The following NCKAP5 variants were observed in gnomAD, a reference collection of about 807,000 sequenced individuals.
NCKAP5 encodes nck-associated protein 5.
NCKAP5 carries 92 observed loss-of-function variants against 167.0 expected under a neutral mutation model. That is an observed-to-expected ratio of 0.55 (90% CI 0.47 to 0.66). The LOEUF is 0.66. Among genes scored for constraint, NCKAP5 ranks in the 30% least tolerant of loss-of-function variants. The probability of loss-of-function intolerance (pLI) is 0.00; values close to 1 mark genes in which losing one functional copy is unlikely to be tolerated. For synonymous variants in NCKAP5, 891 were observed against 877.4 expected (o/e 1.02, Z -0.27); for missense variants, 2,378 against 2,315.0 (o/e 1.03, Z -0.56).
chr2:132,979,992 T>G, intron 7 of NCKAP5, among the ~76,000 whole-genome samples: 1 of 146,512 alleles, frequency 6.8e-6, no homozygotes, highest in African/African-American at 2.7e-5. Context: ...TTCTTTTTCT[T>G]TTTCTTTTTT....
At chr2:133,336,024 A>C (rs749259582) in intron 3 of NCKAP5, among the ~76,000 whole-genome samples, 51 of 152,232 alleles carry the variant, frequency 3.4e-4, no homozygotes, top group Non-Finnish European at 6.5e-4. Flanking sequence ...TTTTCATTTT[A>C]CAGAGTCTCA....
chr2:133,394,252 G>T (rs1687600833), intron 3 of NCKAP5, among the ~76,000 whole-genome samples: 1 of 152,210 alleles, frequency 6.6e-6, no homozygotes, highest in African/African-American at 2.4e-5. Context: ...CCTTGCCCTT[G>T]AAGTGTTTGT....
intron 16 of NCKAP5, among the ~76,000 whole-genome samples, chr2:132,737,823 G>T (rs562579202): frequency 5.8e-4 from 88 of 152,148 alleles, no homozygotes; most frequent in Non-Finnish European, 1.1e-3. Flanking sequence ...TGTAAGCATC[G>T]TGCAGGCATA....
chr2:132,829,027 C>T lies in NCKAP5; in HGVS notation c.807+31465G>A, dbSNP rs532606245. 9.3e-4 allele frequency among the ~76,000 whole-genome samples: 141 copies of T among 152,226 alleles called. 1 individual carries two copies. The highest frequency in any genetic ancestry group is 3.3e-3 in the African/African-American group (136 of 41,544). On this transcript the variant is annotated intron_variant, in intron 11 of 19. Coordinates refer to ENST00000409261, the MANE Select transcript of NCKAP5 (RefSeq NM_207363.3). The stretch of plus-strand genomic sequence containing the variant: ...TTACAAAGAAAATGGGGATGGGAGA[C>T]TGACATAACCAGTAACGGGAGAAAG...
the NCKAP5 span, among the ~76,000 whole-genome samples, chr2:133,621,122 G>C: frequency 6.6e-6 from 1 of 151,920 alleles, no homozygotes; most frequent in Admixed American, 6.6e-5. Context: ...CAGCAAAAGC[G>C]GTGCTAGAAG....
chr2:133,129,017 A>G (rs911949235), intron 6 of NCKAP5, among the ~76,000 whole-genome samples: 1 of 143,378 alleles, frequency 7.0e-6, no homozygotes, highest in African/African-American at 2.6e-5. Flanking sequence ...TTATTGAATC[A>G]TTAGAGTCAC....
At chr2:133,175,243 A>G (rs1336111910) in intron 5 of NCKAP5, among the ~76,000 whole-genome samples, 1 of 152,206 alleles carries the variant, frequency 6.6e-6, no homozygotes, top group Non-Finnish European at 1.5e-5. Context: ...AGGGTTTAAT[A>G]CCATAGACAT....
chr2:133,109,006 C>T (rs1030603631), intron 6 of NCKAP5, among the ~76,000 whole-genome samples: 12 of 152,130 alleles, frequency 7.9e-5, no homozygotes, highest in Non-Finnish European at 8.8e-5. Flanking sequence ...TTTATATGCT[C>T]TATACTCTTT....
chr2:133,059,691 A>AAAAGAAAAAG (rs1437884427), intron 6 of NCKAP5, among the ~76,000 whole-genome samples: 1 of 151,980 alleles, frequency 6.6e-6, no homozygotes, highest in African/African-American at 2.4e-5. Flanking sequence ...AAAAAGAAAG[A>AAAAGAAAAAG]AAAGAAAAAG....
At chr2:133,505,625 C>T (rs1212931272) in intron 3 of NCKAP5, among the ~76,000 whole-genome samples, 1 of 152,134 alleles carries the variant, frequency 6.6e-6, no homozygotes, top group Non-Finnish European at 1.5e-5. Flanking sequence ...CACGGAGGCT[C>T]AGAGAAGGCA....
At chr2:133,428,336 G>C (rs951228124) in intron 3 of NCKAP5, among the ~76,000 whole-genome samples, 2 of 152,042 alleles carry the variant, frequency 1.3e-5, no homozygotes, top group African/African-American at 2.4e-5. Flanking sequence ...ATAAAATTTT[G>C]ATAAAACTAA....
chr2:132,949,003 T>TGAAAA (rs11275092), intron 8 of NCKAP5, among the ~76,000 whole-genome samples: 5,402 of 130,016 alleles, frequency 0.042, 142 homozygotes, highest in Middle Eastern at 0.053. Flanking sequence ...TCCAGAGAAA[T>TGAAAA]GAAAAGAAAA....
At chr2:132,894,470 A>G (rs748692790) in intron 8 of NCKAP5, among the ~76,000 whole-genome samples, 33 of 152,158 alleles carry the variant, frequency 2.2e-4, no homozygotes, top group Non-Finnish European at 4.1e-4. Context: ...AGGGAAGAAA[A>G]AATTGCAGTG....
At chr2:133,389,207 A>C (rs1169524562) in intron 3 of NCKAP5, among the ~76,000 whole-genome samples, 2 of 152,192 alleles carry the variant, frequency 1.3e-5, no homozygotes, top group African/African-American at 4.8e-5. Context: ...TTTCTGAGGG[A>C]AAGTTGCTTG....
At chr2:133,565,188 C>A (rs1688460450) in intron 1 of NCKAP5, among the ~76,000 whole-genome samples, 1 of 152,166 alleles carries the variant, frequency 6.6e-6, no homozygotes, top group Non-Finnish European at 1.5e-5. Context: ...TAATAGAGAG[C>A]AGCTCCTGGT....
chr2:133,011,044 T>C (rs1047660086), intron 6 of NCKAP5, among the ~76,000 whole-genome samples: 7 of 152,106 alleles, frequency 4.6e-5, no homozygotes, highest in Admixed American at 1.3e-4. Flanking sequence ...AACACCAAAT[T>C]CCCAAGTGAT....
At chr2:133,141,999 C>T (rs962309172) in intron 5 of NCKAP5, among the ~76,000 whole-genome samples, 1 of 151,886 alleles carries the variant, frequency 6.6e-6, no homozygotes, top group Non-Finnish European at 1.5e-5. Flanking sequence ...ATACAATTAC[C>T]AAAGTTAGAA....
At chr2:133,200,727 T>TA (rs1306494650) in intron 5 of NCKAP5, among the ~76,000 whole-genome samples, 1 of 152,204 alleles carries the variant, frequency 6.6e-6, no homozygotes, top group Admixed American at 6.5e-5. Context: ...AACAGACTGA[T>TA]ACGTTTACAA....
At position 133,068,737 on chromosome 2, in the gene NCKAP5, C is replaced by T. The variant is rs147435623; in HGVS notation, c.341+61241G>A. ...CACACTGAATCTGCACCATAACTTA[C>T]GGTTGGCTGACTTTTTGCTAATTTG... On this transcript the variant is annotated intron_variant, in intron 6 of 19. Transcript: ENST00000409261. 6.7e-4 allele frequency among the ~76,000 whole-genome samples: 102 copies of T among 152,328 alleles called. 1 individual carries two copies. The highest frequency in any genetic ancestry group is 2.2e-3 in the Admixed American group (34 of 15,300).
Sources: allele counts gnomAD v4.1 joint callset (sites outside exome capture counted in the v4.1 genomes callset), GRCh38; gene constraint gnomAD v4.1.1; transcripts MANE v1.5; gene names NCBI Gene and HGNC (gene_info 2026-07-23, HGNC 2026-07-21).